The following ENOX2 variants were observed in gnomAD, a reference collection of about 807,000 sequenced individuals.
ENOX2 encodes the protein APK1 antigen.
ENOX2 carries 36 observed loss-of-function variants against 45.0 expected under a neutral mutation model. The ratio of observed to expected loss-of-function variants is 0.80; its 90% CI spans 0.61 to 1.06. The LOEUF (loss-of-function observed/expected upper bound fraction) is 1.06. Ranked by LOEUF, ENOX2 falls within the 50% of genes least tolerant of loss-of-function variation. The probability of loss-of-function intolerance (pLI) is 0.00; values close to 1 mark genes in which losing one functional copy is unlikely to be tolerated. For missense variants in ENOX2, 423 were observed against 462.5 expected, an observed-to-expected ratio of 0.91 and a Z score of 0.78; for synonymous variants, 174 against 152.3, an observed-to-expected ratio of 1.14 and a Z score of -1.05.
intron 3 of ENOX2, among the ~76,000 whole-genome samples, chrX:130,755,459 A>G (rs1293452843): frequency 9.0e-6 from 1 of 111,569 alleles, no homozygotes; most frequent in Non-Finnish European, 1.9e-5. Flanking sequence ...TGACTTTGGT[A>G]AAGTCTGCTC....
At chrX:130,656,299 A>T (rs2036545621) in intron 10 of ENOX2, among the ~76,000 whole-genome samples, 1 of 112,505 alleles carries the variant, frequency 8.9e-6, no homozygotes, top group Non-Finnish European at 1.9e-5. Flanking sequence ...TTCTGACTAT[A>T]CTAGGTTACA....
At chrX:130,826,625 T>C (rs1269268338) in intron 2 of ENOX2, among the ~76,000 whole-genome samples, 1 of 111,790 alleles carries the variant, frequency 8.9e-6, no homozygotes, top group Admixed American at 9.6e-5. Context: ...AGGCAGTGGT[T>C]TGTTGCTTTG....
intron 2 of ENOX2, among the ~76,000 whole-genome samples, chrX:130,784,517 G>A (rs1362306735): frequency 9.1e-6 from 1 of 109,444 alleles, no homozygotes; most frequent in Non-Finnish European, 1.9e-5. Context: ...TCTCCTGTAA[G>A]CCTTTTCTCC....
chrX:130,652,170 C>T (rs2036420050), intron 10 of ENOX2, among the ~76,000 whole-genome samples: 1 of 112,172 alleles, frequency 8.9e-6, no homozygotes, highest in Non-Finnish European at 1.9e-5. Flanking sequence ...TTGTTTCTCT[C>T]AATTCCGATT....
chrX:130,742,537 C>T (rs2039009623), intron 3 of ENOX2, among the ~76,000 whole-genome samples: 1 of 110,737 alleles, frequency 9.0e-6, no homozygotes, highest in Admixed American at 9.6e-5. Context: ...AACAAACTTG[C>T]TTGCTATAAC....
chrX:130,839,888 T>A (rs1462341520), intron 2 of ENOX2, among the ~76,000 whole-genome samples: 1 of 111,926 alleles, frequency 8.9e-6, no homozygotes, highest in African/African-American at 3.2e-5. Context: ...AATGTAGTCA[T>A]CAAAACTACT....
At chrX:130,782,574 G>C (rs1473638709) in intron 3 of ENOX2, among the ~76,000 whole-genome samples, 1 of 111,738 alleles carries the variant, frequency 8.9e-6, no homozygotes, top group Non-Finnish European at 1.9e-5. Context: ...TGATTTATAA[G>C]CAGAGATCTA....
intron 1 of ENOX2, 58 bp downstream of exon 1, chrX:130,902,991 G>A (rs1325383822): frequency 9.0e-6 from 1 of 110,532 alleles, no homozygotes; most frequent in Admixed American, 9.6e-5. Flanking sequence ...CTCCTCCCTA[G>A]GCCCCCTCAG....
chrX:130,723,263 C>T (rs1383935460), intron 3 of ENOX2, among the ~76,000 whole-genome samples: 5 of 112,170 alleles, frequency 4.5e-5, no homozygotes, highest in African/African-American at 9.7e-5. Context: ...AAAGCCTTTG[C>T]GACAGTACTA....
chrX:130,860,763 C>T (rs546918737), intron 2 of ENOX2, among the ~76,000 whole-genome samples: 1 of 111,897 alleles, frequency 8.9e-6, no homozygotes, highest in East Asian at 2.8e-4. Context: ...CTCCCTGCTT[C>T]CACCTTGCTC....
intron 10 of ENOX2, among the ~76,000 whole-genome samples, chrX:130,647,071 T>C (rs1323819875): frequency 1.8e-5 from 2 of 112,432 alleles, no homozygotes; most frequent in African/African-American, 6.5e-5. Context: ...GTTTCTTTTC[T>C]AGTGACAGTT....
intron 2 of ENOX2, among the ~76,000 whole-genome samples, chrX:130,868,166 C>T (rs749736329): frequency 2.7e-5 from 3 of 111,115 alleles, no homozygotes; most frequent in Non-Finnish European, 5.7e-5. Context: ...ACATATGATC[C>T]AGCATTTCCA....
intron 3 of ENOX2, among the ~76,000 whole-genome samples, chrX:130,756,198 T>C: frequency 8.9e-6 from 1 of 112,468 alleles, no homozygotes; most frequent in South Asian, 3.7e-4. Flanking sequence ...ATGATGCCCA[T>C]ATCAGACAGT....
At chrX:130,741,095 T>C (rs986462283) in intron 3 of ENOX2, among the ~76,000 whole-genome samples, 2 of 112,005 alleles carry the variant, frequency 1.8e-5, no homozygotes, top group African/African-American at 6.5e-5. Context: ...TTTTTTCATA[T>C]GGAAAAACTA....
intron 2 of ENOX2, among the ~76,000 whole-genome samples, chrX:130,786,430 T>A (rs2148402453): frequency 2.8e-5 from 3 of 107,604 alleles, no homozygotes; most frequent in African/African-American, 1.0e-4. Flanking sequence ...TACTTTAAGT[T>A]TTAGGGTACA....
intron 2 of ENOX2, among the ~76,000 whole-genome samples, chrX:130,866,092 G>A (rs2078489581): frequency 9.0e-6 from 1 of 111,231 alleles, no homozygotes; most frequent in Admixed American, 9.6e-5. Context: ...CTTAAAATGG[G>A]TTTCCCTGTT....
At position 130,637,351 on chromosome X, in the gene ENOX2, C is replaced by T. The variant is rs1157780180; in HGVS notation, c.1189G>A (p.Asp397Asn). The change falls in exon 11 of 15, where the codon GAT becomes AAT. Residue 397 changes from aspartate (D) to asparagine (N), a missense_variant. This residue lies in a region of ENOX2 where 13 missense variants were observed against 29.8 expected (regional missense o/e 0.44). Transcript: ENST00000394363. The part of the protein sequence containing the change: ...EENDSLRWQL[D>N]AYRNEVELLK... ...AGTTCTACTTCATTCCGGTAGGCAT[C>T]GAGCTGCCAACGGAGGCTGTCATTT... The T allele has an allele frequency of 2.5e-6, 3 of 1,210,627 alleles. No homozygotes were observed. Among genetic ancestry groups the T allele is most frequent in the Non-Finnish European group, 3.4e-6 (3 of 894,488 alleles).
At chrX:130,790,002 A>C (rs1603350871) in intron 2 of ENOX2, among the ~76,000 whole-genome samples, 1 of 113,057 alleles carries the variant, frequency 8.8e-6, no homozygotes, top group East Asian at 2.8e-4. Context: ...CTTCAGCCAC[A>C]GGGCTTAGCA....
At chrX:130,739,845 G>A (rs2038940365) in intron 3 of ENOX2, among the ~76,000 whole-genome samples, 1 of 112,281 alleles carries the variant, frequency 8.9e-6, no homozygotes, top group East Asian at 2.8e-4. Flanking sequence ...AGGAATATAG[G>A]TTAAAGAACA....
Sources: gnomAD v4.1 joint callset for allele counts (sites outside exome capture counted in the v4.1 genomes callset) on GRCh38, gnomAD v4.1.1 for gene constraint, gnomAD v4.1.1 regional missense constraint, MANE v1.5 for transcripts, NCBI Gene and HGNC (gene_info 2026-07-23, HGNC 2026-07-21) for gene names.